CBFA2T2: variants seen among roughly 807,000 people sequenced by gnomAD.
The protein encoded by CBFA2T2 is protein CBFA2T2.
Under a neutral mutation model 62.2 loss-of-function variants are expected in CBFA2T2, and 11 were observed. That is an observed-to-expected ratio of 0.18 (90% confidence interval 0.11 to 0.29). The LOEUF (loss-of-function observed/expected upper bound fraction) is 0.29. Among genes scored for constraint, CBFA2T2 ranks in the 10% least tolerant of loss-of-function variants. The probability of loss-of-function intolerance (pLI) is 1.00; values close to 1 mark genes in which losing one functional copy is unlikely to be tolerated. For missense variants in CBFA2T2, 592 were observed against 774.1 expected (o/e 0.76, Z 2.79); for synonymous variants, 295 against 287.5 (o/e 1.03, Z -0.27).
In CBFA2T2 at chr20:33,645,692, G is replaced by A. The variant is rs1970377375; in HGVS notation, c.*1046G>A. ...TGGTAGGACTTGCCCCCACTGTCAA[G>A]GCCTGGTCTCATCTGAAAAGCCCTC... is the stretch of plus-strand genomic sequence containing the variant. On this transcript the variant is annotated 3_prime_UTR_variant, in exon 11 of 11. Coordinates refer to ENST00000342704, the MANE Select transcript of CBFA2T2 (RefSeq NM_001032999.3). 1 of 152,194 alleles carries A rather than the reference G, an allele frequency of 6.6e-6. No individual in the cohort carries two copies. Among genetic ancestry groups the A allele is most frequent in the Non-Finnish European group, 1.5e-5 (1 of 68,052 alleles). The allele number at this position is 152,194 out of a possible 1,614,324, so 9.4% of individuals were successfully genotyped here.
chr20:33,600,277 C>G (rs2015079656), intron 1 of CBFA2T2: 1 of 154,302 alleles, frequency 6.5e-6, no homozygotes, highest in Non-Finnish European at 1.4e-5. Context: ...CTGCAACCTC[C>G]ACCTCCTGGG....
intron 8 of CBFA2T2, among the ~76,000 whole-genome samples, 191 bp downstream of exon 8, chr20:33,630,105 G>A (rs922510554): frequency 3.3e-5 from 5 of 152,036 alleles, no homozygotes; most frequent in African/African-American, 7.2e-5. Flanking sequence ...GGTGGGTGGC[G>A]CAGGAAGGGG....
At chr20:33,607,203 G>A in intron 2 of CBFA2T2, 104 bp downstream of exon 2, 1 of 1,055,158 alleles carries the variant, frequency 9.5e-7, no homozygotes, top group Non-Finnish European at 1.3e-6. Flanking sequence ...TGTTTTCAAA[G>A]TACTATTGAA....
intron 1 of CBFA2T2, among the ~76,000 whole-genome samples, chr20:33,556,525 G>T (rs150245489): frequency 1.7e-4 from 26 of 152,280 alleles, no homozygotes; most frequent in African/African-American, 6.0e-4. Context: ...TAGAGATGAT[G>T]AAGTTGTCCT....
At chr20:33,554,530 T>C (rs2012833198) in intron 1 of CBFA2T2, among the ~76,000 whole-genome samples, 2 of 151,628 alleles carry the variant, frequency 1.3e-5, no homozygotes, top group South Asian at 4.2e-4. Context: ...GTTACAGGGG[T>C]GAGCCACTGC....
intron 1 of CBFA2T2, among the ~76,000 whole-genome samples, chr20:33,496,183 G>C (rs2011197701): frequency 1.3e-5 from 2 of 152,232 alleles, no homozygotes; most frequent in South Asian, 4.1e-4. Context: ...CTTTTCCCAG[G>C]AGAAGGAAGG....
chr20:33,560,381 C>T (rs1260395373), intron 1 of CBFA2T2, among the ~76,000 whole-genome samples: 12 of 152,216 alleles, frequency 7.9e-5, no homozygotes, highest in Non-Finnish European at 1.8e-4. Flanking sequence ...CTGACACTAG[C>T]TATGTGGCAT....
intron 8 of CBFA2T2, among the ~76,000 whole-genome samples, chr20:33,632,003 A>G (rs761523345): frequency 6.6e-6 from 1 of 152,190 alleles, no homozygotes; most frequent in Non-Finnish European, 1.5e-5. Context: ...GGCTTCATCA[A>G]GAAAGTCTTA....
At chr20:33,621,946 G>A (rs1431009912) in intron 4 of CBFA2T2, among the ~76,000 whole-genome samples, 1 of 152,200 alleles carries the variant, frequency 6.6e-6, no homozygotes, top group Non-Finnish European at 1.5e-5. Flanking sequence ...AGAGCTGGTA[G>A]ACAATTATTT....
chr20:33,583,032 A>C (rs190049375), intron 1 of CBFA2T2, among the ~76,000 whole-genome samples: 256 of 152,032 alleles, frequency 1.7e-3, no homozygotes, highest in African/African-American at 5.8e-3. Flanking sequence ...ATACATGTGC[A>C]TACTCTTTCC....
intron 1 of CBFA2T2, among the ~76,000 whole-genome samples, chr20:33,499,845 A>G (rs2146846059): frequency 6.6e-6 from 1 of 152,332 alleles, no homozygotes; most frequent in East Asian, 1.9e-4. Flanking sequence ...AATGAGTTAG[A>G]GAATTTAATT....
chr20:33,604,895 T>C (rs1326994128), intron 1 of CBFA2T2, among the ~76,000 whole-genome samples: 1 of 152,174 alleles, frequency 6.6e-6, no homozygotes, highest in African/African-American at 2.4e-5. Flanking sequence ...CTGAAGGGCA[T>C]TGAGAAAATA....
intron 1 of CBFA2T2, among the ~76,000 whole-genome samples, chr20:33,559,711 C>A (rs924567774): frequency 6.6e-6 from 1 of 152,096 alleles, no homozygotes; most frequent in Non-Finnish European, 1.5e-5. Context: ...TGGTCTTGAT[C>A]TCCTGACCTT....
intron 1 of CBFA2T2, among the ~76,000 whole-genome samples, chr20:33,517,762 A>G (rs1157344334): frequency 6.7e-6 from 1 of 149,528 alleles, no homozygotes; most frequent in African/African-American, 2.5e-5. Context: ...CTCCTGACTC[A>G]GCCTCCCGAG....
intron 1 of CBFA2T2, among the ~76,000 whole-genome samples, chr20:33,550,757 G>C (rs1046003273): frequency 6.6e-6 from 1 of 151,998 alleles, no homozygotes; most frequent in African/African-American, 2.4e-5. Flanking sequence ...TAGTAGCTGG[G>C]ATTACAGGTT....
At chr20:33,554,568 C>CT (rs1175697183) in intron 1 of CBFA2T2, among the ~76,000 whole-genome samples, 3 of 103,822 alleles carry the variant, frequency 2.9e-5, no homozygotes, top group African/African-American at 1.1e-4. Flanking sequence ...TTTTTCTTTT[C>CT]TTTTCTTTTC....
intron 1 of CBFA2T2, among the ~76,000 whole-genome samples, chr20:33,579,752 C>G (rs2014021211): frequency 6.6e-6 from 1 of 151,382 alleles, no homozygotes; most frequent in Non-Finnish European, 1.5e-5. Flanking sequence ...TGCTTTAGCT[C>G]TTTGGTGTCC....
At chr20:33,541,182 G>A (rs2012401524) in intron 1 of CBFA2T2, among the ~76,000 whole-genome samples, 1 of 152,152 alleles carries the variant, frequency 6.6e-6, no homozygotes, top group Non-Finnish European at 1.5e-5. Flanking sequence ...TTTAGGTGAT[G>A]GATTGAAGTC....
intron 5 of CBFA2T2, chr20:33,623,793 C>A: frequency 1.4e-6 from 1 of 714,794 alleles, no homozygotes; most frequent in Non-Finnish European, 2.6e-6. Context: ...CATCTAAAAT[C>A]TATGGGAGTA....
Sources: allele counts gnomAD v4.1 joint callset (sites outside exome capture counted in the v4.1 genomes callset), GRCh38; gene constraint gnomAD v4.1.1; transcripts MANE v1.5; gene names NCBI Gene and HGNC (gene_info 2026-07-23, HGNC 2026-07-21).